Variants in TXNDC12 observed in about 807,000 individuals in gnomAD.
TXNDC12 encodes thioredoxin domain containing 12.
TXNDC12 carries 22 observed loss-of-function variants against 24.2 expected under a neutral mutation model. That is an observed-to-expected ratio of 0.91 (90% CI 0.65 to 1.30). The LOEUF (loss-of-function observed/expected upper bound fraction) is 1.30, where lower values mean the gene tolerates loss of function less well. Ranked by LOEUF, TXNDC12 falls within the 50% of genes most tolerant of loss-of-function variation. TXNDC12 has a pLI of 0.00. For synonymous variants in TXNDC12, 58 were observed against 73.4 expected (o/e 0.79, Z 1.07); for missense variants, 184 against 205.8 (o/e 0.89, Z 0.65).
At chr1:52,031,158 A>G (rs1325035826) in intron 2 of TXNDC12, among the ~76,000 whole-genome samples, 1 of 139,638 alleles carries the variant, frequency 7.2e-6, no homozygotes, top group Non-Finnish European at 1.6e-5. Flanking sequence ...ATTTCATCCT[A>G]TCTTTTTTTT....
intron 1 of TXNDC12, among the ~76,000 whole-genome samples, chr1:52,047,404 G>A (rs1686118398): frequency 6.6e-6 from 1 of 152,142 alleles, no homozygotes; most frequent in African/African-American, 2.4e-5. Flanking sequence ...GAAAAGACAG[G>A]AAGAAGTATG....
rs763999864 is a variant in TXNDC12, at chr1:52,028,569, T to G, written c.211+9A>C. On this transcript the variant is annotated intron_variant, in intron 3 of 6. Coordinates refer to ENST00000371626, the MANE Select transcript of TXNDC12 (RefSeq NM_015913.4). ...GAGTTTTGAATTTAGATTGAGCATT[T>G]GCACTTACCTTTGCAAGCTCCACAC... The G allele has an allele frequency of 9.9e-6, 16 of 1,610,028 alleles. No homozygotes were observed. Among genetic ancestry groups the G allele is most frequent in the Non-Finnish European group, 1.3e-5 (15 of 1,178,116 alleles).
Position 52,020,714 on chromosome 1 carries a change from GA to G in TXNDC12, c.*218del. 2 of 499,696 alleles carry G rather than the reference GA, an allele frequency of 4.0e-6. No homozygotes were observed. Among genetic ancestry groups the G allele is most frequent in the Non-Finnish European group, 7.1e-6 (2 of 283,262 alleles). 31.0% of individuals were successfully genotyped at this position (499,696 alleles called of 1,614,324 possible). ...GACAAGTTGACATTTAGGTGAGAGG[GA>G]AAAGGAGAAGAAAGTCTGCCACTCT... On this transcript the variant is annotated 3_prime_UTR_variant, in exon 7 of 7. Coordinates refer to ENST00000371626, the MANE Select transcript of TXNDC12 (RefSeq NM_015913.4).
chr1:52,046,397 T>C lies in TXNDC12; in HGVS notation c.98-4800A>G, dbSNP rs201020215. ...TTCTGGATATATTTCAAAGGCAAAG[T>C]TAGCAGGATTTTGCTATGGATATGG... On this transcript the variant is annotated intron_variant, in intron 1 of 6. Coordinates refer to ENST00000371626, the MANE Select transcript of TXNDC12 (RefSeq NM_015913.4). Among the ~76,000 whole-genome samples, 3 of 152,026 alleles carry C rather than the reference T, an allele frequency of 2.0e-5. No individual in the cohort carries two copies. In the East Asian group the frequency reaches 5.8e-4, roughly 29 times the overall value.
chr1:52,025,107 C>T (rs1041062594), intron 4 of TXNDC12, among the ~76,000 whole-genome samples: 4 of 152,200 alleles, frequency 2.6e-5, no homozygotes, highest in South Asian at 2.1e-4. Flanking sequence ...GTACCTACAT[C>T]ATTGACTTGC....
intron 2 of TXNDC12, among the ~76,000 whole-genome samples, chr1:52,036,155 T>C (rs1278913440): frequency 3.9e-5 from 6 of 152,144 alleles, no homozygotes; most frequent in Non-Finnish European, 8.8e-5. Context: ...AATCAGCATA[T>C]ACCTTTTGAC....
chr1:52,045,327 A>G (rs945933541), intron 1 of TXNDC12, among the ~76,000 whole-genome samples: 2 of 152,192 alleles, frequency 1.3e-5, no homozygotes, highest in African/African-American at 4.8e-5. Context: ...AATGGTGGAT[A>G]CATACTGTTA....
At chr1:52,047,602 AAAAG>A (rs1686122292) in intron 1 of TXNDC12, among the ~76,000 whole-genome samples, 1 of 152,172 alleles carries the variant, frequency 6.6e-6, no homozygotes, top group Non-Finnish European at 1.5e-5. Flanking sequence ...GTAGAGTTAA[AAAAG>A]AAAGAGAGAG....
At chr1:52,051,498 C>T (rs1021189433) in intron 1 of TXNDC12, among the ~76,000 whole-genome samples, 2 of 152,204 alleles carry the variant, frequency 1.3e-5, no homozygotes, top group Non-Finnish European at 2.9e-5. Flanking sequence ...GCCTCAGCCT[C>T]CCGAGTAGCT....
intron 2 of TXNDC12, among the ~76,000 whole-genome samples, chr1:52,030,856 C>T (rs1471864018): frequency 7.2e-5 from 11 of 152,158 alleles, no homozygotes; most frequent in Non-Finnish European, 1.3e-4. Context: ...CTAAAGACTC[C>T]TTTGTGATAT....
chr1:52,033,922 G>C (rs1430543704), intron 2 of TXNDC12: 3 of 1,430,062 alleles, frequency 2.1e-6, no homozygotes, highest in Non-Finnish European at 2.7e-6. Flanking sequence ...GCTAGGCCCA[G>C]GTTCAGCTTT....
Position 52,039,088 on chromosome 1 carries a change from C to CAAAAAAA in TXNDC12, c.158+2442_158+2448dup, listed in dbSNP as rs56219938. On this transcript the variant is annotated intron_variant, in intron 2 of 6. Transcript: ENST00000371626. ...GCCAGGCCAGAGCAAGACACCGTCT[C>CAAAAAAA]AAAAAAAAAAAAAAAAAAAAGGGTT... Among the ~76,000 whole-genome samples the CAAAAAAA allele has an allele frequency of 2.3e-3, 186 of 81,640 alleles. 4 individuals are homozygous for CAAAAAAA. Among genetic ancestry groups the CAAAAAAA allele is most frequent in the African/African-American group, 6.1e-3 (120 of 19,518 alleles). The allele number at this position is 81,640 out of a possible 152,430, so 53.6% of individuals were successfully genotyped here.
At chr1:52,051,232 A>C (rs1347154679) in intron 1 of TXNDC12, among the ~76,000 whole-genome samples, 1 of 152,144 alleles carries the variant, frequency 6.6e-6, no homozygotes, top group Admixed American at 6.5e-5. Flanking sequence ...GAACAATGTA[A>C]TTATTTTGGA....
At position 52,033,531 on chromosome 1, in the gene TXNDC12, G is replaced by A. The variant is rs535985985; in HGVS notation, c.159-4901C>T. 1.3e-5 allele frequency: 21 copies of A among 1,613,886 alleles called. 1 individual carries two copies. The South Asian group carries it at 2.3e-4, about 18-fold the overall frequency. On this transcript the variant is annotated intron_variant, in intron 2 of 6. Transcript: ENST00000371626. The stretch of plus-strand genomic sequence containing the variant: ...CTTTGATGTAGTTAAGCGAGTCCAG[G>A]ATGACCACGTCGTGGCGACTCAGGC...
intron 1 of TXNDC12, among the ~76,000 whole-genome samples, chr1:52,044,463 A>G (rs1572009568): frequency 6.6e-6 from 1 of 152,258 alleles, no homozygotes; most frequent in Admixed American, 6.5e-5. Context: ...CAGGATAGCC[A>G]ATGAAGAAGA....
rs768893871 is a variant in TXNDC12, at chr1:52,020,957, C to A, written c.495G>T (p.Lys165Asn). ...GTTACAATTCATCTTCAAGATGTTT[C>A]TTTCTGAAGGCATCACCCGTCAGCC... ...QERLTGDAFRKKHLEDEL is the reference protein window; with the variant it reads ...QERLTGDAFRNKHLEDEL Residue 165 changes from lysine (K) to asparagine (N), a missense_variant, in exon 7 of 7, where the codon AAG becomes AAT. Transcript: ENST00000371626. The A allele has an allele frequency of 1.2e-6, 2 of 1,614,078 alleles. No individual in the cohort carries two copies. The highest frequency in any genetic ancestry group is 1.1e-5 in the South Asian group (1 of 91,074).
At chr1:52,040,349 C>G (rs1376502136) in intron 2 of TXNDC12, among the ~76,000 whole-genome samples, 1 of 151,860 alleles carries the variant, frequency 6.6e-6, no homozygotes, top group African/African-American at 2.4e-5. Flanking sequence ...TCAGCCCCCT[C>G]AAGTAACTGG....
intron 6 of TXNDC12, among the ~76,000 whole-genome samples, chr1:52,021,736 T>C (rs958360583): frequency 2.0e-5 from 3 of 152,176 alleles, no homozygotes; most frequent in African/African-American, 7.2e-5. Context: ...CCCTATATAA[T>C]GGCAGGCCAG....
At chr1:52,046,853 TA>T (rs753854382) in intron 1 of TXNDC12, among the ~76,000 whole-genome samples, 26 of 127,642 alleles carry the variant, frequency 2.0e-4, no homozygotes, top group African/African-American at 6.7e-4. Context: ...CCATCTCTAC[TA>T]AAAAAAAAAA....
Sources: gnomAD v4.1 joint callset for allele counts (sites outside exome capture counted in the v4.1 genomes callset) on GRCh38, gnomAD v4.1.1 for gene constraint, MANE v1.5 for transcripts, NCBI Gene and HGNC (gene_info 2026-07-23, HGNC 2026-07-21) for gene names.